The following PARP8 variants were observed in gnomAD, a reference collection of about 807,000 sequenced individuals.
PARP8 encodes protein mono-ADP-ribosyltransferase PARP8.
PARP8 carries 51 observed loss-of-function variants against 124.1 expected under a neutral mutation model. The observed-to-expected ratio is 0.41, with a 90% confidence interval of 0.33 to 0.52. The LOEUF is 0.52. PARP8 is among the 20% of genes least tolerant of loss of function. The probability of loss-of-function intolerance (pLI) is 0.21; values close to 1 mark genes in which losing one functional copy is unlikely to be tolerated. For synonymous variants in PARP8, 391 were observed against 361.5 expected, an observed-to-expected ratio of 1.08 and a Z score of -0.93; for missense variants, 860 against 1,018.9, an observed-to-expected ratio of 0.84 and a Z score of 2.12.
At chr5:50,765,985 T>G (rs1458723705) in intron 7 of PARP8, among the ~76,000 whole-genome samples, 1 of 133,122 alleles carries the variant, frequency 7.5e-6, no homozygotes, top group African/African-American at 2.6e-5. Flanking sequence ...TAGGAGTAAT[T>G]TTTTTTTTTA....
rs781531663 is a variant in PARP8, at chr5:50,834,963, G to C, written c.2410G>C (p.Glu804Gln). 5.6e-6 allele frequency: 9 copies of C among 1,613,494 alleles called. No individual in the cohort carries two copies. The highest frequency in any genetic ancestry group is 7.6e-6 in the Non-Finnish European group (9 of 1,179,692). The change falls in exon 25 of 26, where the codon GAG becomes CAG. Residue 804 changes from glutamate (E) to glutamine (Q), a missense_variant. Coordinates refer to ENST00000281631, the MANE Select transcript of PARP8 (RefSeq NM_024615.4). Reference sequence around the variant, plus strand: ...CTCATCTGACCTGCACAAACATGGAGAGATATGGGTTGTCCCCAATACTGA... The same window carrying C: ...CTCATCTGACCTGCACAAACATGGACAGATATGGGTTGTCCCCAATACTGA... ...ITSSDLHKHG[E>Q]IWVVPNTDHV...
In PARP8 at chr5:50,828,158, A is replaced by G. The variant is rs1000229933; in HGVS notation, c.2090+102A>G. On this transcript the variant is annotated intron_variant, in intron 20 of 25. Transcript: ENST00000281631. The stretch of plus-strand genomic sequence containing the variant: ...CTTTCAGTAAATGATCATTCAGTAG[A>G]TGGTCATTCAACAGATGGTCATGTA... 6 of 1,140,358 alleles carry G rather than the reference A, an allele frequency of 5.3e-6. No homozygotes were observed. The African/African-American group carries it at 7.7e-5, about 15-fold the overall frequency. 70.6% of individuals were successfully genotyped at this position (1,140,358 alleles called of 1,614,324 possible).
intron 2 of PARP8, among the ~76,000 whole-genome samples, chr5:50,723,709 A>G (rs1251030236): frequency 1.3e-5 from 2 of 152,126 alleles, no homozygotes; most frequent in Admixed American, 6.6e-5. Flanking sequence ...AAAAGGAAAC[A>G]TAAGAAAAAA....
At position 50,822,417 on chromosome 5, in the gene PARP8, G is replaced by T; in HGVS notation, c.1860+17G>T. 6 of 1,560,200 alleles carry T rather than the reference G, an allele frequency of 3.8e-6. No homozygotes were observed. Among genetic ancestry groups the T allele is most frequent in the Non-Finnish European group, 5.3e-6 (6 of 1,133,728 alleles). ...ATGACACAAGTAAGTATGTCATCTG[G>T]TCTTGTACAGTATATTTTTAAAATG... is the stretch of plus-strand genomic sequence containing the variant. On this transcript the variant is annotated intron_variant, in intron 17 of 25. Transcript: ENST00000281631.
At chr5:50,737,171 T>C (rs1580148998) in intron 2 of PARP8, among the ~76,000 whole-genome samples, 1 of 152,268 alleles carries the variant, frequency 6.6e-6, no homozygotes, top group East Asian at 1.9e-4. Flanking sequence ...TGGGAACCTA[T>C]CAGCTAGTTC....
intron 2 of PARP8, among the ~76,000 whole-genome samples, chr5:50,746,197 T>C (rs1487342638): frequency 6.6e-6 from 1 of 152,168 alleles, no homozygotes; most frequent in Non-Finnish European, 1.5e-5. Context: ...TCTGATTCCA[T>C]TTATGTATTA....
At chr5:50,816,149 A>T (rs1033850879) in intron 15 of PARP8, among the ~76,000 whole-genome samples, 2 of 152,198 alleles carry the variant, frequency 1.3e-5, no homozygotes, top group African/African-American at 4.8e-5. Context: ...AACAAAATAT[A>T]GTATTGGCAA....
intron 2 of PARP8, among the ~76,000 whole-genome samples, chr5:50,679,789 T>G (rs1751070854): frequency 6.6e-6 from 1 of 152,184 alleles, no homozygotes; most frequent in South Asian, 2.1e-4. Flanking sequence ...TGCATAGTGC[T>G]TAGGAAGTTT....
chr5:50,779,471 T>C (rs1173371013), intron 9 of PARP8, among the ~76,000 whole-genome samples: 2 of 152,196 alleles, frequency 1.3e-5, no homozygotes, highest in Non-Finnish European at 2.9e-5. Context: ...GCAGGTGTCA[T>C]CTAGGGACTC....
chr5:50,677,888 CTT>C (rs1431653911), intron 2 of PARP8, among the ~76,000 whole-genome samples: 1 of 150,892 alleles, frequency 6.6e-6, no homozygotes, highest in African/African-American at 2.4e-5. Flanking sequence ...AAGGCAAAGA[CTT>C]TTTCAACATC....
chr5:50,787,556 G>C (rs1332457496), intron 9 of PARP8, among the ~76,000 whole-genome samples: 1 of 151,892 alleles, frequency 6.6e-6, no homozygotes, highest in Non-Finnish European at 1.5e-5. Flanking sequence ...ATCTAGCATT[G>C]TATCTATTTT....
chr5:50,810,683 G>A (rs968669433), intron 14 of PARP8, among the ~76,000 whole-genome samples: 3 of 151,888 alleles, frequency 2.0e-5, no homozygotes, highest in East Asian at 1.9e-4. Flanking sequence ...TGAACTTCTC[G>A]GAAATAAAGT....
At chr5:50,745,325 T>G (rs1456290759) in intron 2 of PARP8, among the ~76,000 whole-genome samples, 1 of 152,204 alleles carries the variant, frequency 6.6e-6, no homozygotes, top group Non-Finnish European at 1.5e-5. Flanking sequence ...TTCATTCATG[T>G]AAATTTCACT....
At chr5:50,793,686 T>G (rs13176737) in intron 10 of PARP8, among the ~76,000 whole-genome samples, 1 of 152,200 alleles carries the variant, frequency 6.6e-6, no homozygotes, top group South Asian at 2.1e-4. Flanking sequence ...TGTTTTCTTT[T>G]TATGTATGAT....
Position 50,744,851 on chromosome 5 carries a change from A to T in PARP8, c.147-5300A>T, listed in dbSNP as rs563839360. Reference sequence around the variant, plus strand: ...CTCATGTCCACCTTCTTTCACTTTCACTTATGCTTCTTGACAATATTTTCT... The same window carrying T: ...CTCATGTCCACCTTCTTTCACTTTCTCTTATGCTTCTTGACAATATTTTCT... On this transcript the variant is annotated intron_variant, in intron 2 of 25. Coordinates refer to ENST00000281631, the MANE Select transcript of PARP8 (RefSeq NM_024615.4). 5.9e-6 allele frequency: 4 copies of T among 683,306 alleles called. No homozygotes were observed. In the East Asian group the frequency reaches 8.1e-5, roughly 14 times the overall value. The allele number at this position is 683,306 out of a possible 1,614,324, so 42.3% of individuals were successfully genotyped here.
chr5:50,762,165 T>C (rs1205870982), intron 6 of PARP8, among the ~76,000 whole-genome samples: 1 of 152,198 alleles, frequency 6.6e-6, no homozygotes, highest in African/African-American at 2.4e-5. Flanking sequence ...TATTTTATTA[T>C]GCTTTTGACT....
At chr5:50,775,857 G>A (rs557068327) in intron 7 of PARP8, among the ~76,000 whole-genome samples, 2 of 151,986 alleles carry the variant, frequency 1.3e-5, no homozygotes, top group East Asian at 1.9e-4. Context: ...ACAATTTGAC[G>A]TCCTCTTTTT....
At position 50,830,905 on chromosome 5, in the gene PARP8, T is replaced by G. The variant is rs575495047; in HGVS notation, c.2233+944T>G. ...TGTCATTCACATGGTGCCTGAATGG[T>G]GAGTCTTAATATCCTCATGTTATAG... On this transcript the variant is annotated intron_variant, in intron 22 of 25. Coordinates refer to ENST00000281631, the MANE Select transcript of PARP8 (RefSeq NM_024615.4). Among the ~76,000 whole-genome samples, 202 of 152,166 alleles carry G rather than the reference T, an allele frequency of 1.3e-3. 1 individual carries two copies. The highest frequency in any genetic ancestry group is 4.8e-3 in the African/African-American group (200 of 41,532).
intron 2 of PARP8, among the ~76,000 whole-genome samples, chr5:50,682,372 T>C (rs1751390350): frequency 6.6e-6 from 1 of 152,156 alleles, no homozygotes; most frequent in African/African-American, 2.4e-5. Flanking sequence ...ACCAAGAACA[T>C]GAAAGTAACA....
Sources: gnomAD v4.1 joint callset for allele counts (sites outside exome capture counted in the v4.1 genomes callset) on GRCh38, gnomAD v4.1.1 for gene constraint, MANE v1.5 for transcripts, NCBI Gene and HGNC (gene_info 2026-07-23, HGNC 2026-07-21) for gene names.